HDAC4: variants seen among roughly 807,000 people sequenced by gnomAD.
HDAC4 encodes histone deacetylase A.
A neutral mutation model predicts 135.1 loss-of-function variants in HDAC4; 16 were observed. That is an observed-to-expected ratio of 0.12 (90% CI 0.08 to 0.18). HDAC4 has a LOEUF of 0.18. HDAC4 is among the 10% of genes least tolerant of loss of function. HDAC4 has a pLI of 1.00. For synonymous variants in HDAC4, 685 were observed against 653.4 expected, an observed-to-expected ratio of 1.05 and a Z score of -0.74; for missense variants, 1,143 against 1,511.8, an observed-to-expected ratio of 0.76 and a Z score of 4.05.
rs146411583 is a variant in HDAC4, at chr2:239,246,526, T to TG, written c.23-9863dup. Among the ~76,000 whole-genome samples the TG allele has an allele frequency of 4.2e-3, 633 of 151,650 alleles. 21 individuals carry two copies. The East Asian group carries it at 0.086, about 21-fold the overall frequency. ...GTGTGGGCGGGGGCCGGCCAGGCGC[T>TG]GGCTGAGCAGGTGATGGCCACGGCG... On this transcript the variant is annotated intron_variant, in intron 2 of 26. Transcript: ENST00000543185.
Position 239,352,004 on chromosome 2 carries a change from T to C in HDAC4, c.22+674A>G, listed in dbSNP as rs2125920900. On this transcript the variant is annotated intron_variant, in intron 2 of 26. Coordinates refer to ENST00000543185, the MANE Select transcript of HDAC4 (RefSeq NM_001378414.1). This position sits in a 1 kb window ranked among gnomAD's most constrained non-coding sequence, Gnocchi z 4.4. ...CATTATGGTGCACGCTCTCGGTGAC[T>C]TTCCAAGGACAGAAAGTGTGAAGTC... 6.6e-6 allele frequency among the ~76,000 whole-genome samples: 1 copy of C among 152,178 alleles called. No homozygotes were observed. The highest frequency in any genetic ancestry group is 6.5e-5 in the Admixed American group (1 of 15,274).
In HDAC4 at chr2:239,245,261, C is replaced by A. The variant is rs1188426356; in HGVS notation, c.23-8597G>T. On this transcript the variant is annotated intron_variant, in intron 2 of 26. Coordinates refer to ENST00000543185, the MANE Select transcript of HDAC4 (RefSeq NM_001378414.1). This position sits in a 1 kb window ranked among gnomAD's most constrained non-coding sequence, Gnocchi z 4.4. ...CGGCTTACAGGAAGTACGGGTTTGG[C>A]AGAACCTGCTAAAGGACACTGGATT... Among the ~76,000 whole-genome samples the A allele has an allele frequency of 1.3e-5, 2 of 152,144 alleles. No individual in the cohort carries two copies. The highest frequency in any genetic ancestry group is 1.3e-4 in the Admixed American group (2 of 15,276).
At position 239,080,052 on chromosome 2, in the gene HDAC4, CCACA is replaced by C. The variant is rs1366391678; in HGVS notation, c.2750+1039_2750+1042del. ...GACATGCACACAGATGAACACCCACCCACACAGACACACACACAGATGAACGAAC... is the reference window on the plus strand; with the variant it reads ...GACATGCACACAGATGAACACCCACCCAGACACACACACAGATGAACGAAC... On this transcript the variant is annotated intron_variant, in intron 22 of 26. Transcript: ENST00000543185. Among the ~76,000 whole-genome samples, 22 of 151,372 alleles carry C rather than the reference CCACA, an allele frequency of 1.5e-4. 1 individual carries two copies. The highest frequency in any genetic ancestry group is 4.4e-4 in the African/African-American group (18 of 40,980).
intron 1 of HDAC4, among the ~76,000 whole-genome samples, chr2:239,373,171 G>A (rs1184451540): frequency 6.6e-6 from 1 of 152,112 alleles, no homozygotes; most frequent in Non-Finnish European, 1.5e-5. Context: ...TGAGCAGAAC[G>A]ACCTCTAAAG....
At chr2:239,162,852 G>T (rs1286444103) in intron 6 of HDAC4, among the ~76,000 whole-genome samples, 1 of 152,014 alleles carries the variant, frequency 6.6e-6, no homozygotes, top group Non-Finnish European at 1.5e-5. Flanking sequence ...TCTGAGCTGT[G>T]GGGGGGTCTC....
intron 2 of HDAC4, among the ~76,000 whole-genome samples, chr2:239,345,277 C>G (rs1463920521): frequency 6.6e-6 from 1 of 152,172 alleles, no homozygotes; most frequent in Non-Finnish European, 1.5e-5. Flanking sequence ...TGGCCGGATA[C>G]AATGGCTCAT....
chr2:239,229,931 T>C (rs138888255), intron 3 of HDAC4, among the ~76,000 whole-genome samples: 1 of 152,096 alleles, frequency 6.6e-6, no homozygotes, highest in African/African-American at 2.4e-5. Context: ...GAATGCAAAT[T>C]TCCCCCCCAA....
intron 4 of HDAC4, among the ~76,000 whole-genome samples, chr2:239,177,382 C>G (rs1424074711): frequency 1.3e-5 from 2 of 152,150 alleles, no homozygotes; most frequent in African/African-American, 4.8e-5. Flanking sequence ...GGAGGTGAAA[C>G]CCAAAAATAT....
chr2:239,217,712 A>G (rs969753521), intron 3 of HDAC4, among the ~76,000 whole-genome samples: 1 of 152,194 alleles, frequency 6.6e-6, no homozygotes, highest in Non-Finnish European at 1.5e-5. Flanking sequence ...GAAGGAAAAG[A>G]AACCACACAC....
At position 239,349,406 on chromosome 2, in the gene HDAC4, C is replaced by T. The variant is rs889806597; in HGVS notation, c.22+3272G>A. ...CTGAATCCTTTAGTATTAATGATTTCTCTTCCTCCCAAAACCCACTAAAAT... is the reference window on the plus strand; with the variant it reads ...CTGAATCCTTTAGTATTAATGATTTTTCTTCCTCCCAAAACCCACTAAAAT... On this transcript the variant is annotated intron_variant, in intron 2 of 26. Coordinates refer to ENST00000543185, the MANE Select transcript of HDAC4 (RefSeq NM_001378414.1). This position sits in a 1 kb window ranked among gnomAD's most constrained non-coding sequence, Gnocchi z 5.7. Among the ~76,000 whole-genome samples the T allele has an allele frequency of 9.9e-5, 15 of 152,246 alleles. No homozygotes were observed. Among genetic ancestry groups the T allele is most frequent in the Non-Finnish European group, 1.5e-4 (10 of 68,040 alleles).
At chr2:239,324,753 G>A (rs1260243162) in intron 2 of HDAC4, among the ~76,000 whole-genome samples, 1 of 152,210 alleles carries the variant, frequency 6.6e-6, no homozygotes, top group Non-Finnish European at 1.5e-5. Context: ...CCATCCCTTG[G>A]AGAGGCCATA....
intron 8 of HDAC4, among the ~76,000 whole-genome samples, chr2:239,142,431 C>A (rs1345450379): frequency 6.6e-6 from 1 of 152,218 alleles, no homozygotes; most frequent in Admixed American, 6.5e-5. Flanking sequence ...GGTACCAGTG[C>A]CGGCCAGGAG....
chr2:239,094,852 G>C (rs1253812740), intron 17 of HDAC4, 158 bp downstream of exon 17: 1 of 1,556,014 alleles, frequency 6.4e-7, no homozygotes, highest in Non-Finnish European at 8.7e-7. Flanking sequence ...AAACGCTCTC[G>C]GCTCACACGG....
At chr2:239,228,000 AC>A (rs769691444) in intron 3 of HDAC4, among the ~76,000 whole-genome samples, 25 of 152,150 alleles carry the variant, frequency 1.6e-4, no homozygotes, top group Admixed American at 1.2e-3. Context: ...GCTGGGTTTC[AC>A]TTGAGACAGT....
intron 2 of HDAC4, among the ~76,000 whole-genome samples, chr2:239,275,953 G>T (rs578051536): frequency 3.9e-5 from 6 of 152,262 alleles, no homozygotes; most frequent in African/African-American, 1.2e-4. Flanking sequence ...GCCTTAAAAG[G>T]ATGGGCGGGA....
At chr2:239,288,154 A>T (rs774969059) in intron 2 of HDAC4, among the ~76,000 whole-genome samples, 1 of 152,202 alleles carries the variant, frequency 6.6e-6, no homozygotes, top group African/African-American at 2.4e-5. Context: ...CTAGCAAAGT[A>T]TGAAAATGAC....
At chr2:239,163,420 C>T (rs921927046) in intron 6 of HDAC4, among the ~76,000 whole-genome samples, 8 of 152,160 alleles carry the variant, frequency 5.3e-5, no homozygotes, top group African/African-American at 1.7e-4. Flanking sequence ...CCCATGAGGA[C>T]GGCCACCGTG....
At chr2:239,147,089 T>C (rs2041815265) in intron 7 of HDAC4, among the ~76,000 whole-genome samples, 1 of 152,108 alleles carries the variant, frequency 6.6e-6, no homozygotes, top group Non-Finnish European at 1.5e-5. Context: ...GCAGAACCTA[T>C]CAGACAAGCA....
chr2:239,329,391 C>T (rs1337808738), intron 2 of HDAC4, among the ~76,000 whole-genome samples: 2 of 152,184 alleles, frequency 1.3e-5, no homozygotes, highest in Admixed American at 6.5e-5. Context: ...TTGATTCTGC[C>T]CCGTCATCTC....
Sources: allele counts gnomAD v4.1 joint callset (sites outside exome capture counted in the v4.1 genomes callset), GRCh38; gene constraint gnomAD v4.1.1; non-coding constraint Gnocchi (gnomAD v3.1); transcripts MANE v1.5; gene names NCBI Gene and HGNC (gene_info 2026-07-23, HGNC 2026-07-21).